The following IL15 variants were observed in gnomAD, a reference collection of about 807,000 sequenced individuals.
IL15 encodes the protein interleukin-15.
A neutral mutation model predicts 19.6 loss-of-function variants in IL15; 11 were observed. That is an observed-to-expected ratio of 0.56 (90% confidence interval 0.35 to 0.93). IL15 has a LOEUF of 0.93. Among genes scored for constraint, IL15 ranks in the 40% least tolerant of loss-of-function variants. IL15 has a pLI of 0.01. For synonymous variants in IL15, 58 were observed against 59.6 expected (o/e 0.97, Z 0.12); for missense variants, 197 against 186.5 (o/e 1.06, Z -0.33).
chr4:141,678,724 C>T (rs1728438667), intron 2 of IL15, among the ~76,000 whole-genome samples: 1 of 151,872 alleles, frequency 6.6e-6, no homozygotes, highest in Non-Finnish European at 1.5e-5. Flanking sequence ...GCCTCAGCCT[C>T]CCGAGTAGCT....
In IL15 at chr4:141,647,497, G is replaced by A. The variant is rs951623591; in HGVS notation, c.-221-8689G>A. The stretch of plus-strand genomic sequence containing the variant: ...AATGGTCAGGATATTTCCCCAGGAG[G>A]CAAATGTATATATAGATGGCTTAGG... On this transcript the variant is annotated intron_variant, in intron 1 of 7. Coordinates refer to ENST00000320650, the MANE Select transcript of IL15 (RefSeq NM_000585.5). 2.0e-5 allele frequency among the ~76,000 whole-genome samples: 3 copies of A among 151,954 alleles called. No homozygotes were observed. The South Asian group carries it at 6.2e-4, about 32-fold the overall frequency.
chr4:141,706,799 G>A (rs1454973713), intron 2 of IL15, among the ~76,000 whole-genome samples: 1 of 151,438 alleles, frequency 6.6e-6, no homozygotes, highest in African/African-American at 2.4e-5. Flanking sequence ...AGATCCTTTT[G>A]TATGTGAGTT....
intron 2 of IL15, among the ~76,000 whole-genome samples, chr4:141,690,238 T>TCCCTCC (rs1359551730): frequency 6.6e-6 from 1 of 152,012 alleles, no homozygotes; most frequent in African/African-American, 2.4e-5. Context: ...CTCGCACCTC[T>TCCCTCC]CCCTCCACAC....
chr4:141,708,141 A>C (rs549861687), intron 2 of IL15, among the ~76,000 whole-genome samples: 3 of 152,264 alleles, frequency 2.0e-5, no homozygotes, highest in Admixed American at 2.0e-4. Context: ...GCTGGCTGTG[A>C]AGCACAGGTA....
rs563716776 is a variant in IL15 at position 141,697,048 on chromosome 4, G to A, written c.-99-22318G>A. Among the ~76,000 whole-genome samples the A allele has an allele frequency of 1.1e-4, 16 of 151,958 alleles. 1 individual carries two copies. The South Asian group carries it at 1.5e-3, about 14-fold the overall frequency. On this transcript the variant is annotated intron_variant, in intron 2 of 7. Coordinates refer to ENST00000320650, the MANE Select transcript of IL15 (RefSeq NM_000585.5). ...CCATTTATTTATTTTTGTTTTTGTC[G>A]CATTTGCTTTTGGGGTCTTAGTCAT...
chr4:141,700,992 T>G (rs1020103872), intron 2 of IL15, among the ~76,000 whole-genome samples: 12 of 152,192 alleles, frequency 7.9e-5, no homozygotes, highest in African/African-American at 2.9e-4. Context: ...ATGATATCTA[T>G]TTCTCTAGAA....
chr4:141,658,945 C>T lies in IL15; in HGVS notation c.-100+2638C>T, dbSNP rs563225604. Reference sequence around the variant, plus strand: ...TGCGATCTCGGCTCACTGCAAGCTCCGCCTCCCGGGTTCAAGCCATTCTCC... The same window carrying T: ...TGCGATCTCGGCTCACTGCAAGCTCTGCCTCCCGGGTTCAAGCCATTCTCC... On this transcript the variant is annotated intron_variant, in intron 2 of 7. Transcript: ENST00000320650. Among the ~76,000 whole-genome samples, 250 of 149,564 alleles carry T rather than the reference C, an allele frequency of 1.7e-3. 2 individuals are homozygous for T. Among genetic ancestry groups the T allele is most frequent in the African/African-American group, 5.7e-3 (232 of 40,652 alleles).
intron 2 of IL15, among the ~76,000 whole-genome samples, chr4:141,710,060 C>T (rs540067687): frequency 5.8e-4 from 88 of 152,152 alleles, no homozygotes; most frequent in Non-Finnish European, 1.1e-3. Flanking sequence ...CAGCTGCATC[C>T]AAGCTGCTGC....
chr4:141,661,952 C>G (rs1461435068), intron 2 of IL15, among the ~76,000 whole-genome samples: 1 of 152,130 alleles, frequency 6.6e-6, no homozygotes, highest in Non-Finnish European at 1.5e-5. Context: ...ATTGGGATTT[C>G]TTTACTGTTC....
intron 2 of IL15, among the ~76,000 whole-genome samples, chr4:141,706,199 G>C (rs1053424186): frequency 6.6e-6 from 1 of 151,180 alleles, no homozygotes; most frequent in African/African-American, 2.4e-5. Flanking sequence ...TACTAAGCTT[G>C]GTTTCTTTTC....
rs1560901657 is a variant in IL15, at chr4:141,650,641, C to G, written c.-221-5545C>G. 1.3e-5 allele frequency among the ~76,000 whole-genome samples: 2 copies of G among 152,054 alleles called. 1 individual carries two copies. Among genetic ancestry groups the G allele is most frequent in the South Asian group, 4.1e-4 (2 of 4,836 alleles). On this transcript the variant is annotated intron_variant, in intron 1 of 7. Coordinates refer to ENST00000320650, the MANE Select transcript of IL15 (RefSeq NM_000585.5). ...TTAATTTCTCTGCACTTATTATTCT[C>G]TTCTTGAAAATTAAGATAATTAGAC...
chr4:141,636,985 A>G (rs1726877926), intron 1 of IL15: 1 of 152,234 alleles, frequency 6.6e-6, no homozygotes, highest in African/African-American at 2.4e-5. Flanking sequence ...CCGCTTCCGG[A>G]GGAGCGCAGA....
At chr4:141,670,565 G>C (rs1728138503) in intron 2 of IL15, among the ~76,000 whole-genome samples, 1 of 152,034 alleles carries the variant, frequency 6.6e-6, no homozygotes, top group African/African-American at 2.4e-5. Context: ...TTTCCTAATG[G>C]AATGTTATTG....
chr4:141,666,081 A>ATTTAT (rs71586237), intron 2 of IL15, among the ~76,000 whole-genome samples: 2,840 of 143,388 alleles, frequency 0.02, 102 homozygotes, highest in African/African-American at 0.068. Context: ...CTTTTTATTT[A>ATTTAT]TTATTTATTT....
chr4:141,673,404 G>A (rs909447512), intron 2 of IL15, among the ~76,000 whole-genome samples: 7 of 151,940 alleles, frequency 4.6e-5, no homozygotes, highest in Admixed American at 3.9e-4. Flanking sequence ...CTTTTATTTT[G>A]TAGTTCCCTA....
chr4:141,649,772 A>T (rs1321662208), intron 1 of IL15, among the ~76,000 whole-genome samples: 1 of 152,074 alleles, frequency 6.6e-6, no homozygotes, highest in African/African-American at 2.4e-5. Context: ...TTATTTGAGG[A>T]TTGTCTGGAT....
intron 1 of IL15, among the ~76,000 whole-genome samples, chr4:141,649,898 A>C (rs538371926): frequency 6.6e-6 from 1 of 152,154 alleles, no homozygotes; most frequent in Non-Finnish European, 1.5e-5. Flanking sequence ...AAGTATATCT[A>C]TGAAAAATCT....
intron 5 of IL15, among the ~76,000 whole-genome samples, chr4:141,726,393 A>G (rs1730265888): frequency 6.6e-6 from 1 of 152,204 alleles, no homozygotes; most frequent in South Asian, 2.1e-4. Context: ...CTATAAGCGT[A>G]TACAGAATAA....
chr4:141,693,179 G>A (rs987115149), intron 2 of IL15, among the ~76,000 whole-genome samples: 2 of 151,958 alleles, frequency 1.3e-5, no homozygotes, highest in Admixed American at 1.3e-4. Context: ...TTCGCAAGGT[G>A]GCAATAGAGA....
Sources: allele counts gnomAD v4.1 joint callset (sites outside exome capture counted in the v4.1 genomes callset), GRCh38; gene constraint gnomAD v4.1.1; transcripts MANE v1.5; gene names NCBI Gene and HGNC (gene_info 2026-07-23, HGNC 2026-07-21).